Variants in PKHD1 observed in about 807,000 individuals in gnomAD.
The protein encoded by PKHD1 is PKHD1 ciliary IPT domain containing fibrocystin/polyductin.
In PKHD1, 291 loss-of-function variants were observed where a neutral mutation model predicts 412.0. The ratio of observed to expected loss-of-function variants is 0.71; its 90% CI spans 0.64 to 0.78. The LOEUF (loss-of-function observed/expected upper bound fraction) is 0.78. Ranked by LOEUF, PKHD1 falls within the 30% of genes least tolerant of loss-of-function variation. The pLI, the probability that PKHD1 is intolerant of heterozygous loss-of-function variation, is 0.00. For synonymous variants in PKHD1, 1,777 were observed against 1,821.5 expected (o/e 0.98, Z 0.62); for missense variants, 4,825 against 4,950.7 (o/e 0.97, Z 0.76).
chr6:51,769,779 A>G (rs997276871), intron 55 of PKHD1, among the ~76,000 whole-genome samples: 6 of 151,436 alleles, frequency 4.0e-5, no homozygotes, highest in African/African-American at 1.4e-4. Context: ...TGCTTATTCA[A>G]TCATGAAAGT....
At chr6:51,667,686 G>A (rs1774072582) in intron 60 of PKHD1, among the ~76,000 whole-genome samples, 1 of 150,492 alleles carries the variant, frequency 6.6e-6, no homozygotes, top group Admixed American at 6.6e-5. Context: ...TAGGTCTAAT[G>A]TTTAAGTCTT....
chr6:51,861,555 G>A (rs961869941), intron 48 of PKHD1, among the ~76,000 whole-genome samples: 1 of 152,202 alleles, frequency 6.6e-6, no homozygotes, highest in African/African-American at 2.4e-5. Flanking sequence ...GCACAAAGGG[G>A]AAGAAAAATC....
At chr6:51,775,081 C>T (rs1043222188) in intron 54 of PKHD1, among the ~76,000 whole-genome samples, 6 of 149,796 alleles carry the variant, frequency 4.0e-5, no homozygotes, top group East Asian at 2.0e-4. Flanking sequence ...AATATAATAA[C>T]ATTTAAGCTG....
At chr6:51,811,795 C>T (rs1754239363) in intron 52 of PKHD1, among the ~76,000 whole-genome samples, 2 of 151,962 alleles carry the variant, frequency 1.3e-5, no homozygotes, top group South Asian at 2.1e-4. Flanking sequence ...TAAATAAATA[C>T]ACATATTTAA....
intron 6 of PKHD1, among the ~76,000 whole-genome samples, chr6:52,075,424 C>G (rs1811213613): frequency 6.6e-6 from 1 of 152,178 alleles, no homozygotes; most frequent in Non-Finnish European, 1.5e-5. Flanking sequence ...TTTGGAAACT[C>G]TAACAAATGG....
At chr6:51,639,381 T>C (rs1271891065) in intron 63 of PKHD1, among the ~76,000 whole-genome samples, 1 of 152,054 alleles carries the variant, frequency 6.6e-6, no homozygotes, top group Non-Finnish European at 1.5e-5. Context: ...GTATAATATA[T>C]AAAGAAAGAA....
intron 34 of PKHD1, 36 bp downstream of exon 34, chr6:52,017,374 T>C: frequency 1.4e-6 from 2 of 1,429,466 alleles, no homozygotes; most frequent in Non-Finnish European, 9.9e-7. Flanking sequence ...GCCAAGCATT[T>C]GTGGGGAAGT....
intron 34 of PKHD1, among the ~76,000 whole-genome samples, chr6:52,014,370 T>C (rs1369741207): frequency 6.6e-6 from 1 of 152,238 alleles, no homozygotes; most frequent in Non-Finnish European, 1.5e-5. Flanking sequence ...TCATCCTGTT[T>C]ATTATCTGAC....
At chr6:52,065,178 G>GAA (rs1809455405) in intron 12 of PKHD1, 128 bp from the exon 13 acceptor site, 1 of 157,150 alleles carries the variant, frequency 6.4e-6, no homozygotes, top group Admixed American at 7.2e-5. Context: ...TAGAGAGAGA[G>GAA]AGAGAGAGAG....
At chr6:51,729,142 G>C (rs1782944940) in intron 60 of PKHD1, among the ~76,000 whole-genome samples, 2 of 152,194 alleles carry the variant, frequency 1.3e-5, no homozygotes, top group Admixed American at 6.5e-5. Flanking sequence ...TTAAAAAATG[G>C]CTTCAACTCC....
At chr6:51,715,095 C>A (rs974484830) in intron 60 of PKHD1, among the ~76,000 whole-genome samples, 1 of 152,094 alleles carries the variant, frequency 6.6e-6, no homozygotes, top group Non-Finnish European at 1.5e-5. Context: ...AACCCCATGA[C>A]GGAACACAGA....
intron 60 of PKHD1, among the ~76,000 whole-genome samples, chr6:51,673,646 G>A (rs1027782539): frequency 8.5e-5 from 13 of 152,188 alleles, no homozygotes; most frequent in Admixed American, 4.6e-4. Flanking sequence ...GAAGAGCCAC[G>A]CTGATTATGT....
intron 48 of PKHD1, among the ~76,000 whole-genome samples, chr6:51,865,149 C>T (rs371281754): frequency 1.3e-5 from 2 of 152,130 alleles, no homozygotes; most frequent in Non-Finnish European, 2.9e-5. Flanking sequence ...GGGAAAGGAA[C>T]GCTATCCAGA....
At chr6:51,790,335 A>C (rs7759579) in intron 53 of PKHD1, among the ~76,000 whole-genome samples, 15,911 of 152,122 alleles carry the variant, frequency 0.1, 906 homozygotes, top group East Asian at 0.14. Flanking sequence ...TATATAGTCT[A>C]CCCATAACAT....
At chr6:51,824,451 G>A (rs1172673790) in intron 52 of PKHD1, among the ~76,000 whole-genome samples, 2 of 152,104 alleles carry the variant, frequency 1.3e-5, no homozygotes, top group African/African-American at 4.8e-5. Flanking sequence ...CCTTCCAGTG[G>A]TGAGGACACG....
At chr6:51,763,742 C>A (rs2151076543) in intron 55 of PKHD1, among the ~76,000 whole-genome samples, 1 of 152,166 alleles carries the variant, frequency 6.6e-6, no homozygotes, top group East Asian at 1.9e-4. Flanking sequence ...CTGCCCACTT[C>A]TCCATTGCTC....
intron 40 of PKHD1, among the ~76,000 whole-genome samples, 163 bp downstream of exon 40, chr6:51,909,120 G>C (rs965173895): frequency 2.0e-5 from 3 of 152,114 alleles, no homozygotes; most frequent in African/African-American, 7.2e-5. Flanking sequence ...CAAGTGATTT[G>C]TTTAGGCATA....
chr6:52,048,732 A>G, intron 22 of PKHD1, 113 bp from the exon 23 acceptor site: 1 of 1,272,650 alleles, frequency 7.9e-7, no homozygotes, highest in Non-Finnish European at 1.1e-6. Flanking sequence ...AGAAAGAGCT[A>G]AGGGACCTGA....
chr6:51,746,336 A>G (rs147554788), intron 59 of PKHD1, among the ~76,000 whole-genome samples: 216 of 152,322 alleles, frequency 1.4e-3, no homozygotes, highest in African/African-American at 5.0e-3. Context: ...GAAGAATTAG[A>G]GTCAATTTAT....
Sources: gnomAD v4.1 joint callset for allele counts (sites outside exome capture counted in the v4.1 genomes callset) on GRCh38, gnomAD v4.1.1 for gene constraint, MANE v1.5 for transcripts, NCBI Gene and HGNC (gene_info 2026-07-23, HGNC 2026-07-21) for gene names.